NRG3: variants seen among roughly 807,000 people sequenced by gnomAD.
NRG3 encodes pro-neuregulin-3, membrane-bound isoform.
NRG3 carries 31 observed loss-of-function variants against 66.9 expected under a neutral mutation model. The observed-to-expected ratio is 0.46, with a 90% confidence interval of 0.35 to 0.63. The LOEUF (loss-of-function observed/expected upper bound fraction) is 0.63, where lower values mean the gene tolerates loss of function less well. Among genes scored for constraint, NRG3 ranks in the 20% least tolerant of loss-of-function variants. NRG3 has a pLI of 0.00. For synonymous variants in NRG3, 393 were observed against 359.4 expected (o/e 1.09, Z -1.06); for missense variants, 910 against 878.9 (o/e 1.04, Z -0.45).
At chr10:82,791,392 C>G (rs1354203550) in intron 3 of NRG3, among the ~76,000 whole-genome samples, 1 of 151,710 alleles carries the variant, frequency 6.6e-6, no homozygotes, top group African/African-American at 2.4e-5. Flanking sequence ...ACTGACATCT[C>G]TTTTCCATTA....
At chr10:82,700,005 G>A (rs1468015310) in intron 2 of NRG3, among the ~76,000 whole-genome samples, 5 of 152,088 alleles carry the variant, frequency 3.3e-5, no homozygotes, top group Non-Finnish European at 7.4e-5. Flanking sequence ...AGCAAGATAA[G>A]CCATCACACT....
chr10:82,198,339 A>G (rs1274701198), intron 1 of NRG3, among the ~76,000 whole-genome samples: 1 of 152,102 alleles, frequency 6.6e-6, no homozygotes, highest in Non-Finnish European at 1.5e-5. Flanking sequence ...AAAAGCTCTT[A>G]GTGAGGTAGA....
At chr10:82,785,220 G>C in intron 3 of NRG3, among the ~76,000 whole-genome samples, 1 of 151,704 alleles carries the variant, frequency 6.6e-6, no homozygotes, top group Non-Finnish European at 1.5e-5. Flanking sequence ...AGGGGGAAGG[G>C]GGAGGGATAG....
intron 1 of NRG3, among the ~76,000 whole-genome samples, chr10:82,356,706 T>C (rs1448266081): frequency 6.6e-6 from 1 of 152,212 alleles, no homozygotes; most frequent in African/African-American, 2.4e-5. Context: ...GAGTAACATA[T>C]GTGTGAGGGT....
chr10:81,967,281 C>A lies in NRG3; in HGVS notation c.823+91118C>A, dbSNP rs144388463. ...ATATTTATTTAATCCAAGTTTTTAACAGAAGATTTATCTTAACATTTTTCC... is the reference window on the plus strand; with the variant it reads ...ATATTTATTTAATCCAAGTTTTTAAAAGAAGATTTATCTTAACATTTTTCC... On this transcript the variant is annotated intron_variant, in intron 1 of 8. Coordinates refer to ENST00000372141, the MANE Select transcript of NRG3 (RefSeq NM_001010848.4). 2.5e-4 allele frequency among the ~76,000 whole-genome samples: 38 copies of A among 151,626 alleles called. 1 individual carries two copies. Among genetic ancestry groups the A allele is most frequent in the Non-Finnish European group, 5.2e-4 (35 of 67,840 alleles).
intron 1 of NRG3, among the ~76,000 whole-genome samples, chr10:81,961,213 C>A (rs1219272346): frequency 1.3e-5 from 2 of 152,102 alleles, no homozygotes; most frequent in South Asian, 2.1e-4. Context: ...TGATGAATTG[C>A]AAGTTTAACT....
At chr10:81,987,920 C>G (rs995112557) in intron 1 of NRG3, among the ~76,000 whole-genome samples, 2 of 152,120 alleles carry the variant, frequency 1.3e-5, no homozygotes, top group East Asian at 3.9e-4. Flanking sequence ...TTTCTACCAT[C>G]CTAGCATTCT....
chr10:82,010,158 C>A (rs1024937147), intron 1 of NRG3, among the ~76,000 whole-genome samples: 2 of 152,068 alleles, frequency 1.3e-5, no homozygotes, highest in African/African-American at 4.8e-5. Context: ...TATGTTTAAC[C>A]ATCAAGTGAC....
chr10:82,622,951 G>A (rs905871465), intron 2 of NRG3, among the ~76,000 whole-genome samples: 4 of 151,760 alleles, frequency 2.6e-5, no homozygotes, highest in African/African-American at 9.7e-5. Context: ...TTCAGTGTGT[G>A]CTATTTTCAA....
At chr10:82,639,905 A>T (rs892396120) in intron 2 of NRG3, among the ~76,000 whole-genome samples, 2 of 152,030 alleles carry the variant, frequency 1.3e-5, no homozygotes, top group African/African-American at 4.8e-5. Context: ...TGTTTTCCCG[A>T]TCCTCTCCCT....
intron 3 of NRG3, among the ~76,000 whole-genome samples, chr10:82,768,967 T>G (rs953300272): frequency 1.8e-4 from 27 of 152,176 alleles, no homozygotes; most frequent in Non-Finnish European, 1.3e-4. Flanking sequence ...TTTAAGATTC[T>G]ATACGCTTTA....
At position 82,949,604 on chromosome 10, in the gene NRG3, C is replaced by T. The variant is rs183048511; in HGVS notation, c.1055-1865C>T. Among the ~76,000 whole-genome samples, 6 of 152,196 alleles carry T rather than the reference C, an allele frequency of 3.9e-5. No individual in the cohort carries two copies. The East Asian group carries it at 9.7e-4, about 25-fold the overall frequency. ...GTGTGGTGGCTCACACCTGTAATCCCAGCACTTTGGGAGGCCGAGGCAGGC... is the reference window on the plus strand; with the variant it reads ...GTGTGGTGGCTCACACCTGTAATCCTAGCACTTTGGGAGGCCGAGGCAGGC... On this transcript the variant is annotated intron_variant, in intron 4 of 8. Transcript: ENST00000372141.
At position 82,104,956 on chromosome 10, in the gene NRG3, T is replaced by C. The variant is rs551830049; in HGVS notation, c.823+228793T>C. Among the ~76,000 whole-genome samples, 6 of 152,308 alleles carry C rather than the reference T, an allele frequency of 3.9e-5. No homozygotes were observed. In the South Asian group the frequency reaches 1.2e-3, roughly 32 times the overall value. ...CTTTATTTGAGCTGGTGGTTTTACA[T>C]GTTTCTTTTGAGGACACATTTATAT... On this transcript the variant is annotated intron_variant, in intron 1 of 8. Transcript: ENST00000372141.
At chr10:82,328,890 A>C (rs534225605) in intron 1 of NRG3, among the ~76,000 whole-genome samples, 14 of 152,224 alleles carry the variant, frequency 9.2e-5, no homozygotes, top group Non-Finnish European at 1.8e-4. Context: ...TGCCTCATCC[A>C]TGCTTATTTT....
intron 1 of NRG3, among the ~76,000 whole-genome samples, chr10:82,149,060 T>C (rs1206781985): frequency 2.3e-5 from 1 of 43,552 alleles, no homozygotes; most frequent in Non-Finnish European, 4.6e-5. Flanking sequence ...TTTTTTGTTT[T>C]TGTTTTTGTT....
intron 1 of NRG3, among the ~76,000 whole-genome samples, chr10:82,239,986 A>G (rs2076936576): frequency 6.6e-6 from 1 of 150,852 alleles, no homozygotes; most frequent in Non-Finnish European, 1.5e-5. Flanking sequence ...GTGTACTGGT[A>G]TTTTTTTTAA....
chr10:82,936,372 C>T (rs1406834092), intron 4 of NRG3, among the ~76,000 whole-genome samples: 1 of 151,906 alleles, frequency 6.6e-6, no homozygotes, highest in Non-Finnish European at 1.5e-5. Context: ...AGACAAATAC[C>T]ACATGATATA....
At chr10:82,619,373 T>G (rs1306941271) in intron 2 of NRG3, among the ~76,000 whole-genome samples, 1 of 152,196 alleles carries the variant, frequency 6.6e-6, no homozygotes, top group Non-Finnish European at 1.5e-5. Flanking sequence ...CCATACATTC[T>G]GCAGCAAGAT....
intron 2 of NRG3, among the ~76,000 whole-genome samples, chr10:82,558,655 A>G (rs1388286074): frequency 6.6e-6 from 1 of 152,188 alleles, no homozygotes; most frequent in African/African-American, 2.4e-5. Flanking sequence ...GATGCATGAC[A>G]ACTCATAATG....
Sources: allele counts gnomAD v4.1 joint callset (sites outside exome capture counted in the v4.1 genomes callset), GRCh38; gene constraint gnomAD v4.1.1; transcripts MANE v1.5; gene names NCBI Gene and HGNC (gene_info 2026-07-23, HGNC 2026-07-21).